The following MED12 variants were observed in gnomAD, a reference collection of about 807,000 sequenced individuals.
MED12 encodes the protein mediator complex subunit 12.
MED12 carries 10 observed loss-of-function variants against 177.7 expected under a neutral mutation model. That is an observed-to-expected ratio of 0.06 (90% CI 0.03 to 0.10). The LOEUF is 0.10. Among genes scored for constraint, MED12 ranks in the 10% least tolerant of loss-of-function variants. The pLI is 1.00. For missense variants in MED12, 867 were observed against 1,780.8 expected (o/e 0.49, Z 9.23); for synonymous variants, 641 against 678.4 (o/e 0.94, Z 0.86).
chrX:71,129,475 G>T (rs1433510706), intron 26 of MED12, 46 bp downstream of exon 26: 1 of 1,011,632 alleles, frequency 9.9e-7, no homozygotes, highest in Admixed American at 2.3e-5. Flanking sequence ...GTATAGGGTG[G>T]AGTGCCAGCT....
At chrX:71,133,444 G>A (rs778461941) in intron 33 of MED12, among the ~76,000 whole-genome samples, 5 of 108,222 alleles carry the variant, frequency 4.6e-5, no homozygotes, top group South Asian at 4.1e-4. Flanking sequence ...AGTGATTCTC[G>A]TGCCTCAACC....
chrX:71,136,749 G>A, intron 37 of MED12, 94 bp downstream of exon 37: 1 of 1,180,007 alleles, frequency 8.5e-7, no homozygotes, highest in Non-Finnish European at 1.1e-6. Flanking sequence ...GCATAAGGAA[G>A]GGGTGCCATT....
At chrX:71,124,651 C>T in intron 13 of MED12, 113 bp from the exon 14 acceptor site, 1 of 613,213 alleles carries the variant, frequency 1.6e-6, no homozygotes, top group Non-Finnish European at 2.7e-6. Context: ...GACTCCAGAT[C>T]CTGTGCTTTC....
chrX:71,140,841 A>C lies in MED12; in HGVS notation c.6251A>C (p.Gln2084Pro), dbSNP rs1181142893. ...CAGTACCACATCCGGCAGCAGCAGC[A>C]GCAGCAGATCCTGCGGGTAAGGCAC... ...QQQYHIRQQQ[Q>P]QQILRQQQQQ... The change falls in exon 42 of 45, where the codon CAG becomes CCG. Residue 2084 changes from glutamine (Q) to proline (P), a missense_variant. By Grantham distance (76) the Gln-to-Pro change is moderately conservative. Around this residue, in one of 14 missense-constraint regions of MED12, gnomAD observed 236 missense variants for 345.2 expected, o/e 0.68. Transcript: ENST00000374080. 1 of 1,205,474 alleles carries C rather than the reference A, an allele frequency of 8.3e-7. No individual in the cohort carries two copies. The highest frequency in any genetic ancestry group is 1.8e-5 in the African/African-American group (1 of 56,884).
In MED12 at chrX:71,123,868, T is replaced by C. The variant is rs890983722; in HGVS notation, c.1744+148T>C. On this transcript the variant is annotated intron_variant, in intron 12 of 44. Transcript: ENST00000374080. Reference sequence around the variant, plus strand: ...CTTTTAGATGTAGTTCTAGTGATCCTCTTTAACTGGTCATCTTACAGTTAA... The same window carrying C: ...CTTTTAGATGTAGTTCTAGTGATCCCCTTTAACTGGTCATCTTACAGTTAA... 4.8e-6 allele frequency: 3 copies of C among 623,286 alleles called. No individual in the cohort carries two copies. In the African/African-American group the frequency reaches 6.6e-5, roughly 14 times the overall value. 51.4% of individuals were successfully genotyped at this position (623,286 alleles called of 1,213,427 possible). A position where few individuals can be genotyped will look rare whatever the true frequency, so the allele number is the denominator to read the frequency against.
At chrX:71,121,487 A>G (rs765787995) in intron 6 of MED12, 50 bp downstream of exon 6, 6 of 1,210,321 alleles carry the variant, frequency 5.0e-6, no homozygotes, top group Non-Finnish European at 6.7e-6. Context: ...TCTAAGAAGA[A>G]TTTGAGGAAG....
intron 1 of MED12, 77 bp downstream of exon 1, chrX:71,118,930 TGGGGG>T: frequency 2.8e-6 from 2 of 711,655 alleles, no homozygotes; most frequent in Non-Finnish European, 3.8e-6. Context: ...CGGCTGGGAA[TGGGGG>T]GCGGGGCGGT....
rs2147780559 is a variant in MED12 at position 71,121,806 on chromosome X, G to A, written c.1091G>A (p.Cys364Tyr). The A allele has an allele frequency of 8.2e-7, 1 of 1,212,139 alleles. No individual in the cohort carries two copies. Among genetic ancestry groups the A allele is most frequent in the African/African-American group, 1.7e-5 (1 of 57,890 alleles). ...CGGCCCCTGGTTTTTGGCCTCAGCT[G>A]TATCCTACAGGTAGGTACTAGGCGG... ...QHRPLVFGLS[C>Y]ILQTILLCCP... Residue 364 changes from cysteine (C) to tyrosine (Y), a missense_variant, in exon 7 of 45, where the codon TGT (cysteine) becomes TAT (tyrosine). Cys to Tyr is a radical substitution (Grantham distance 194). Coordinates refer to ENST00000374080, the MANE Select transcript of MED12 (RefSeq NM_005120.3).
chrX:71,124,912 TG>T, intron 14 of MED12, 63 bp from the exon 15 acceptor site: 27 of 1,177,984 alleles, frequency 2.3e-5, no homozygotes, highest in Non-Finnish European at 2.9e-5. Flanking sequence ...GCTTTTGGCA[TG>T]TTTTTTTGCC....
At position 71,134,519 on chromosome X, in the gene MED12, A is replaced by G. The variant is rs2092327335; in HGVS notation, c.4727+53A>G. The stretch of plus-strand genomic sequence containing the variant: ...GTTTCATACCCAAGAAGCTCCCCCT[A>G]CTCCCATGCCAGGTGCACCCACTGA... On this transcript the variant is annotated intron_variant, in intron 34 of 44. Transcript: ENST00000374080. 3.2e-6 allele frequency: 3 copies of G among 930,423 alleles called. No individual in the cohort carries two copies. The Admixed American group carries it at 7.8e-5, about 24-fold the overall frequency. The allele number at this position is 930,423 out of a possible 1,213,427, so 76.7% of individuals were successfully genotyped here.
At chrX:71,140,140 T>C (rs191829213) in intron 41 of MED12, among the ~76,000 whole-genome samples, 2 of 97,842 alleles carry the variant, frequency 2.0e-5, no homozygotes, top group Non-Finnish European at 4.1e-5. Flanking sequence ...AGTGCAGTGG[T>C]GCAATCTTGG....
intron 28 of MED12, among the ~76,000 whole-genome samples, chrX:71,131,125 CTTTTTT>C (rs754896365): frequency 1.2e-5 from 1 of 80,253 alleles, no homozygotes. Flanking sequence ...TAAATGTAGT[CTTTTTT>C]TTTTTTTTTT....
In MED12 at chrX:71,129,346, G is replaced by A; in HGVS notation, c.3608G>A (p.Cys1203Tyr). 8.3e-7 allele frequency: 1 copy of A among 1,209,584 alleles called. No homozygotes were observed. The highest frequency in any genetic ancestry group is 1.1e-6 in the Non-Finnish European group (1 of 893,519). The change falls in exon 26 of 45, where the codon TGC becomes TAC. Residue 1203 changes from cysteine (C) to tyrosine (Y), a missense_variant. Physicochemically the swap from Cys to Tyr is radical, Grantham distance 194 (BLOSUM62 -2). Transcript: ENST00000374080. Reference protein sequence around the residue: ...NKPTVGIRSSCDRHLLAASQN... With the variant: ...NKPTVGIRSSYDRHLLAASQN... The stretch of plus-strand genomic sequence containing the variant: ...CCTACAGTAGGAATCCGCTCCTCCT[G>A]CGACCGCCACCTGCTGGCTGCCTCC...
chrX:71,139,727 C>T (rs750220781), intron 41 of MED12, among the ~76,000 whole-genome samples: 2 of 110,588 alleles, frequency 1.8e-5, no homozygotes, highest in East Asian at 5.8e-4. Flanking sequence ...GGTGAAATCC[C>T]GTCTCTACTA....
chrX:71,123,018 C>T (rs1189488389), intron 10 of MED12, 77 bp from the exon 11 acceptor site: 4 of 1,180,729 alleles, frequency 3.4e-6, no homozygotes, highest in Non-Finnish European at 4.6e-6. Context: ...TGATAGAGCC[C>T]AGTCTTTAGG....
At chrX:71,138,276 A>G (rs181606114) in intron 41 of MED12, among the ~76,000 whole-genome samples, 100 of 111,431 alleles carry the variant, frequency 9.0e-4, no homozygotes, top group African/African-American at 3.1e-3. Flanking sequence ...AGTTGATTCC[A>G]GGAATTCGAG....
In MED12 at chrX:71,125,011, C is replaced by A; in HGVS notation, c.2091C>A (p.Gly697=). 1 of 1,211,025 alleles carries A rather than the reference C, an allele frequency of 8.3e-7. No homozygotes were observed. Among genetic ancestry groups the A allele is most frequent in the Non-Finnish European group, 1.1e-6 (1 of 895,245 alleles). The change falls in exon 15 of 45, where the codon GGC becomes GGA. Residue 697 remains glycine, a synonymous_variant. Coordinates refer to ENST00000374080, the MANE Select transcript of MED12 (RefSeq NM_005120.3). Reference sequence around the variant, plus strand: ...CTACTATGCCCTGTGAGGGGAAGGGCAGTCCATCCCCTGAGAAGCCAGATG... The same window carrying A: ...CTACTATGCCCTGTGAGGGGAAGGGAAGTCCATCCCCTGAGAAGCCAGATG... The part of the protein sequence containing the change: ...FSPTMPCEGK[G]SPSPEKPDVE...
At position 71,125,404 on chromosome X, in the gene MED12, G is replaced by A. The variant is rs753948557; in HGVS notation, c.2280G>A (p.Val760=). The stretch of plus-strand genomic sequence containing the variant: ...AGCGGTTGGTCGTACTGTTTGGGGT[G>A]GGAAAGCAGCGAGATGATGCCCGCC... ...CNQRLVVLFG[V]GKQRDDARHA... The change falls in exon 16 of 45, where the codon GTG becomes GTA. Residue 760 remains valine, a synonymous_variant. Coordinates refer to ENST00000374080, the MANE Select transcript of MED12 (RefSeq NM_005120.3). 22 of 1,208,126 alleles carry A rather than the reference G, an allele frequency of 1.8e-5. No individual in the cohort carries two copies. The highest frequency in any genetic ancestry group is 2.3e-5 in the Non-Finnish European group (21 of 894,637).
chrX:71,132,097 A>G lies in MED12; in HGVS notation c.4144A>G (p.Ile1382Val). The change falls in exon 30 of 45, where the codon ATC (isoleucine) becomes GTC (valine). Residue 1382 changes from isoleucine (I) to valine (V), a missense_variant. Physicochemically the swap from Ile to Val is conservative, Grantham distance 29. This residue lies in a region of MED12 where 46 missense variants were observed against 71.7 expected (regional missense o/e 0.64). Coordinates refer to ENST00000374080, the MANE Select transcript of MED12 (RefSeq NM_005120.3). ...NNEMNSLLEN[I>V]AKATIEVFQQ... ...GGAGATGAACTCCCTCTTGGAGAAC[A>G]TCGCCAAGGCCACAATCGAGGTTTT... 8.3e-7 allele frequency: 1 copy of G among 1,210,556 alleles called. No individual in the cohort carries two copies. The highest frequency in any genetic ancestry group is 1.7e-5 in the African/African-American group (1 of 57,745).
Sources: allele counts gnomAD v4.1 joint callset (sites outside exome capture counted in the v4.1 genomes callset), GRCh38; gene constraint gnomAD v4.1.1; regional missense constraint gnomAD v4.1.1; transcripts MANE v1.5; gene names NCBI Gene and HGNC (gene_info 2026-07-23, HGNC 2026-07-21).